The following ADAMTSL3 variants were observed in gnomAD, a reference collection of about 807,000 sequenced individuals.
ADAMTSL3 encodes ADAMTS like 3, also known as ADAMTS-like protein 3.
Under a neutral mutation model 201.7 loss-of-function variants are expected in ADAMTSL3, and 128 were observed. That is an observed-to-expected ratio of 0.63 (90% CI 0.55 to 0.73). The LOEUF (loss-of-function observed/expected upper bound fraction) is 0.73. ADAMTSL3 is among the 30% of genes least tolerant of loss of function. ADAMTSL3 has a pLI of 0.00. For missense variants in ADAMTSL3, 1,990 were observed against 2,119.6 expected (o/e 0.94, Z 1.20); for synonymous variants, 738 against 748.4 (o/e 0.99, Z 0.23).
chr15:83,847,826 A>G (rs1269453503), intron 7 of ADAMTSL3, among the ~76,000 whole-genome samples: 1 of 152,002 alleles, frequency 6.6e-6, no homozygotes, highest in African/African-American at 2.4e-5. Context: ...AGTGATGACA[A>G]ATAGTTATGG....
intron 19 of ADAMTSL3, among the ~76,000 whole-genome samples, chr15:83,958,686 A>T (rs2066902397): frequency 6.6e-6 from 1 of 152,234 alleles, no homozygotes; most frequent in Non-Finnish European, 1.5e-5. Context: ...AACAGATGAA[A>T]ATATACTCAG....
intron 23 of ADAMTSL3, among the ~76,000 whole-genome samples, chr15:83,997,775 G>T (rs984546290): frequency 6.6e-6 from 1 of 152,064 alleles, no homozygotes; most frequent in African/African-American, 2.4e-5. Context: ...CCTGTTTCCT[G>T]TAAGACCTTG....
At chr15:83,976,438 T>C (rs923361482) in intron 20 of ADAMTSL3, among the ~76,000 whole-genome samples, 2 of 152,132 alleles carry the variant, frequency 1.3e-5, no homozygotes, top group Non-Finnish European at 2.9e-5. Flanking sequence ...GGTTTTGGGA[T>C]GATTCTAGCA....
intron 16 of ADAMTSL3, among the ~76,000 whole-genome samples, chr15:83,915,782 G>A (rs74026617): frequency 1.6e-4 from 24 of 152,220 alleles, no homozygotes; most frequent in South Asian, 1.5e-3. Context: ...TTCACTTAGC[G>A]TAGTGTTTTC....
At chr15:83,894,437 T>C (rs1401066483) in intron 13 of ADAMTSL3, among the ~76,000 whole-genome samples, 1 of 152,228 alleles carries the variant, frequency 6.6e-6, no homozygotes, top group Non-Finnish European at 1.5e-5. Context: ...CAACATGTTG[T>C]GAATGTTGAC....
At chr15:83,671,931 G>T (rs1358469093) in intron 2 of ADAMTSL3, among the ~76,000 whole-genome samples, 1 of 152,180 alleles carries the variant, frequency 6.6e-6, no homozygotes, top group East Asian at 1.9e-4. Context: ...TTTTGCCTCT[G>T]GGTTGCTTTT....
intron 17 of ADAMTSL3, among the ~76,000 whole-genome samples, chr15:83,925,123 A>C (rs541838010): frequency 1.3e-5 from 2 of 152,236 alleles, no homozygotes; most frequent in Non-Finnish European, 2.9e-5. Flanking sequence ...TGATTGCATA[A>C]GGGTGGTGAA....
At chr15:83,682,877 A>T (rs2061493254) in intron 2 of ADAMTSL3, among the ~76,000 whole-genome samples, 1 of 152,102 alleles carries the variant, frequency 6.6e-6, no homozygotes, top group East Asian at 1.9e-4. Flanking sequence ...AAGAAATGTG[A>T]CTCTATTCTG....
At chr15:83,659,743 C>G (rs1424366556) in intron 2 of ADAMTSL3, among the ~76,000 whole-genome samples, 1 of 152,136 alleles carries the variant, frequency 6.6e-6, no homozygotes, top group African/African-American at 2.4e-5. Context: ...TATGCAATCA[C>G]AACAGTCCTT....
intron 3 of ADAMTSL3, among the ~76,000 whole-genome samples, chr15:83,746,634 A>G (rs1311026519): frequency 1.3e-5 from 2 of 152,166 alleles, no homozygotes; most frequent in Non-Finnish European, 2.9e-5. Flanking sequence ...ATTTACAATG[A>G]TAGTTACATG....
Position 84,014,607 on chromosome 15 carries a change from C to A in ADAMTSL3, c.4039C>A (p.Leu1347Ile). ...ATCTCTGAGTGGCAATGTTTCCTTG[C>A]TTTTCAATGGATCCCTGTTGTTGCA... Reference protein sequence around the residue: ...GGSLSGNVSLLFNGSLLLQNV... With the variant: ...GGSLSGNVSLIFNGSLLLQNV... The change falls in exon 24 of 30, where the codon CTT becomes ATT. Residue 1347 changes from leucine to isoleucine, a missense_variant. By Grantham distance (5) the Leu-to-Ile change is conservative. Transcript: ENST00000286744. 2 of 1,614,056 alleles carry A rather than the reference C, an allele frequency of 1.2e-6. No homozygotes were observed. Among genetic ancestry groups the A allele is most frequent in the Non-Finnish European group, 1.7e-6 (2 of 1,179,980 alleles).
chr15:83,847,470 T>C (rs998109300), intron 7 of ADAMTSL3, among the ~76,000 whole-genome samples: 1 of 151,910 alleles, frequency 6.6e-6, no homozygotes, highest in Non-Finnish European at 1.5e-5. Context: ...GCAGACCCTG[T>C]TCTGTACAAT....
chr15:83,933,786 A>T (rs2066407807), intron 17 of ADAMTSL3, among the ~76,000 whole-genome samples: 1 of 152,224 alleles, frequency 6.6e-6, no homozygotes, highest in Non-Finnish European at 1.5e-5. Context: ...CCTGCATCCC[A>T]GGCATGGCTA....
intron 17 of ADAMTSL3, among the ~76,000 whole-genome samples, chr15:83,929,197 GT>G (rs1469291031): frequency 1.3e-5 from 2 of 152,170 alleles, no homozygotes; most frequent in African/African-American, 4.8e-5. Context: ...TTTGGCATGT[GT>G]TTCTTTTGCC....
In ADAMTSL3 at chr15:84,038,976, TAGATTGG is replaced by T. The variant is rs1211769915; in HGVS notation, c.*1171_*1177del. The T allele has an allele frequency of 6.6e-6, 1 of 152,544 alleles. No homozygotes were observed. Among genetic ancestry groups the T allele is most frequent in the Non-Finnish European group, 1.5e-5 (1 of 68,098 alleles). The allele number at this position is 152,544 out of a possible 1,614,324, so 9.4% of individuals were successfully genotyped here. The stretch of plus-strand genomic sequence containing the variant: ...GGTTAGGTCAGGGTTGGATTGGGTT[TAGATTGG>T]GGCCAGTGCTGGTGTTAGTGATAGT... On this transcript the variant is annotated 3_prime_UTR_variant, in exon 30 of 30. Transcript: ENST00000286744.
In ADAMTSL3 at chr15:83,942,589, GT is replaced by G. The variant is rs959831876; in HGVS notation, c.2118-3del. 6.2e-7 allele frequency: 1 copy of G among 1,609,778 alleles called. No individual in the cohort carries two copies. Among genetic ancestry groups the G allele is most frequent in the African/African-American group, 1.3e-5 (1 of 74,812 alleles). ...GTTCAACTTTCCCCACTTGTTTTCTGTTTTAGGTGGCATGTGGGCTCTTGGG... is the reference window on the plus strand; with the variant it reads ...GTTCAACTTTCCCCACTTGTTTTCTGTTTAGGTGGCATGTGGGCTCTTGGG... On this transcript the variant is annotated splice_region_variant and splice_polypyrimidine_tract_variant and intron_variant, in intron 17 of 29. Coordinates refer to ENST00000286744, the MANE Select transcript of ADAMTSL3 (RefSeq NM_207517.3).
chr15:83,739,821 G>A (rs1018396358), intron 3 of ADAMTSL3: 17 of 599,004 alleles, frequency 2.8e-5, no homozygotes, highest in South Asian at 2.3e-4. Context: ...TGCTGGGCTG[G>A]TGTCCAGATT....
At chr15:83,684,028 T>G (rs1250808018) in intron 2 of ADAMTSL3, among the ~76,000 whole-genome samples, 1 of 152,244 alleles carries the variant, frequency 6.6e-6, no homozygotes. Flanking sequence ...AACTTCACGT[T>G]GGTATTCCAA....
intron 10 of ADAMTSL3, among the ~76,000 whole-genome samples, chr15:83,889,310 G>C (rs2141882615): frequency 6.6e-6 from 1 of 152,270 alleles, no homozygotes; most frequent in Non-Finnish European, 1.5e-5. Flanking sequence ...AAGCTTATTG[G>C]TATTGCAGGT....
Sources: gnomAD v4.1 joint callset for allele counts (sites outside exome capture counted in the v4.1 genomes callset) on GRCh38, gnomAD v4.1.1 for gene constraint, MANE v1.5 for transcripts, NCBI Gene and HGNC (gene_info 2026-07-23, HGNC 2026-07-21) for gene names.